Variants in SFSWAP observed in about 807,000 individuals in gnomAD.
The protein encoded by SFSWAP is splicing factor, suppressor of white-apricot homolog.
In SFSWAP, 17 loss-of-function variants were observed where a neutral mutation model predicts 100.7. The observed-to-expected ratio is 0.17, with a 90% CI of 0.12 to 0.25. The LOEUF is 0.25. Ranked by LOEUF, SFSWAP falls within the 10% of genes least tolerant of loss-of-function variation. SFSWAP has a pLI of 1.00. For missense variants in SFSWAP, 1,005 were observed against 1,262.6 expected, an observed-to-expected ratio of 0.80 and a Z score of 3.09; for synonymous variants, 504 against 510.1, an observed-to-expected ratio of 0.99 and a Z score of 0.16.
chr12:131,762,900 A>AT (rs1414232761), intron 11 of SFSWAP, among the ~76,000 whole-genome samples: 7 of 150,474 alleles, frequency 4.7e-5, no homozygotes, highest in African/African-American at 1.7e-4. Flanking sequence ...CACCCGGCCA[A>AT]TTTTTTTTTT....
chr12:131,714,834 A>T lies in SFSWAP; in HGVS notation c.401A>T (p.Lys134Met). ...EEEARQEEEY[K>M]RLSEALAEDG... ...ATTTTTATTCAAGAGGAAGAATACAAGCGATTGAGTGAAGCACTAGCAGAG... is the reference window on the plus strand; with the variant it reads ...ATTTTTATTCAAGAGGAAGAATACATGCGATTGAGTGAAGCACTAGCAGAG... The change falls in exon 3 of 18, where the codon AAG becomes ATG. Residue 134 changes from lysine (K) to methionine (M), a missense_variant. Transcript: ENST00000261674. The surrounding 1 kb of genome is among the most constrained non-coding windows in gnomAD (Gnocchi z 6.0). 6.2e-7 allele frequency: 1 copy of T among 1,614,000 alleles called. No homozygotes were observed. The highest frequency in any genetic ancestry group is 8.5e-7 in the Non-Finnish European group (1 of 1,179,864).
chr12:131,754,245 A>G (rs1303443086), intron 8 of SFSWAP, 123 bp from the exon 9 acceptor site: 1 of 601,908 alleles, frequency 1.7e-6, no homozygotes, highest in African/African-American at 1.9e-5. Context: ...AGCCTCCCCT[A>G]ACACACTGTT....
At chr12:131,753,639 G>A (rs1881877030) in intron 8 of SFSWAP, 2 of 518,640 alleles carry the variant, frequency 3.9e-6, no homozygotes, top group Non-Finnish European at 6.9e-6. Flanking sequence ...CTGTTCTTGC[G>A]CTTTGTGTCA....
At chr12:131,774,529 A>G (rs1050628288) in intron 13 of SFSWAP, among the ~76,000 whole-genome samples, 6 of 152,180 alleles carry the variant, frequency 3.9e-5, no homozygotes, top group African/African-American at 1.2e-4. Context: ...TACCTAAACC[A>G]ATGTACGTCT....
At chr12:131,728,668 C>T (rs992523238) in intron 7 of SFSWAP, among the ~76,000 whole-genome samples, 3 of 151,730 alleles carry the variant, frequency 2.0e-5, no homozygotes, top group Non-Finnish European at 4.4e-5. Flanking sequence ...GGAGGAGGAC[C>T]GGCAAAGGTA....
At chr12:131,760,878 C>G (rs1882611218) in intron 11 of SFSWAP, among the ~76,000 whole-genome samples, 1 of 152,110 alleles carries the variant, frequency 6.6e-6, no homozygotes, top group African/African-American at 2.4e-5. Flanking sequence ...TCGAGACCAG[C>G]CTGGTCAACA....
At chr12:131,785,036 T>G in intron 14 of SFSWAP, 3 of 1,511,936 alleles carry the variant, frequency 2.0e-6, no homozygotes, top group Non-Finnish European at 2.7e-6. Flanking sequence ...CCAGCACCTT[T>G]TATTCTGAAT....
chr12:131,789,750 G>A (rs1885124873), intron 15 of SFSWAP, among the ~76,000 whole-genome samples: 1 of 151,454 alleles, frequency 6.6e-6, no homozygotes, highest in South Asian at 2.1e-4. Flanking sequence ...TCCCACAGTT[G>A]GGCTTCGTCT....
Position 131,734,623 on chromosome 12 carries a change from C to T in SFSWAP, c.1081+6195C>T, listed in dbSNP as rs1879823958. 6.6e-6 allele frequency among the ~76,000 whole-genome samples: 1 copy of T among 152,190 alleles called. No homozygotes were observed. The highest frequency in any genetic ancestry group is 2.1e-4 in the South Asian group (1 of 4,832). On this transcript the variant is annotated intron_variant, in intron 7 of 17. Coordinates refer to ENST00000261674, the MANE Select transcript of SFSWAP (RefSeq NM_004592.4). This position sits in a 1 kb window ranked among gnomAD's most constrained non-coding sequence, Gnocchi z 4.9. ...AGGCTGGGACTGTCTTACTAGCCAGCGTGCTCCTTGCACCTCGATCCAAGG... is the reference window on the plus strand; with the variant it reads ...AGGCTGGGACTGTCTTACTAGCCAGTGTGCTCCTTGCACCTCGATCCAAGG...
Position 131,714,781 on chromosome 12 carries a change from A to G in SFSWAP, c.389-41A>G, listed in dbSNP as rs749930089. On this transcript the variant is annotated intron_variant, in intron 2 of 17. Coordinates refer to ENST00000261674, the MANE Select transcript of SFSWAP (RefSeq NM_004592.4). The surrounding 1 kb of genome is among the most constrained non-coding windows in gnomAD (Gnocchi z 6.0). ...GAAATATATAAAGTTTTTCTCAGTA[A>G]TTTTCTATTTTTGTTGATAAAATTC... is the stretch of plus-strand genomic sequence containing the variant. 3.8e-5 allele frequency: 60 copies of G among 1,582,518 alleles called. No homozygotes were observed. The Admixed American group carries it at 1.0e-3, about 27-fold the overall frequency.
At chr12:131,749,598 G>T (rs1881434260) in intron 7 of SFSWAP, among the ~76,000 whole-genome samples, 1 of 152,234 alleles carries the variant, frequency 6.6e-6, no homozygotes, top group African/African-American at 2.4e-5. Flanking sequence ...GGTTCTGTGA[G>T]CTGTATGGTG....
At position 131,714,639 on chromosome 12, in the gene SFSWAP, CAT is replaced by C. The variant is rs1877710481; in HGVS notation, c.389-182_389-181del. 1 of 605,874 alleles carries C rather than the reference CAT, an allele frequency of 1.7e-6. No homozygotes were observed. The highest frequency in any genetic ancestry group is 2.8e-6 in the Non-Finnish European group (1 of 351,410). 37.5% of individuals were successfully genotyped at this position (605,874 alleles called of 1,614,324 possible). The stretch of plus-strand genomic sequence containing the variant: ...GTGTATTCAGCTGTCTGTGGGTAAA[CAT>C]GTACTGACAAAAGTACATAATGATA... On this transcript the variant is annotated intron_variant, in intron 2 of 17. Transcript: ENST00000261674. The surrounding 1 kb of genome is among the most constrained non-coding windows in gnomAD (Gnocchi z 6.0).
chr12:131,774,178 A>G (rs1883832336), intron 13 of SFSWAP, among the ~76,000 whole-genome samples: 1 of 152,228 alleles, frequency 6.6e-6, no homozygotes, highest in Non-Finnish European at 1.5e-5. Context: ...GCACCTGGGC[A>G]GGACGTGGTA....
chr12:131,777,139 A>T (rs1884088242), intron 13 of SFSWAP, among the ~76,000 whole-genome samples: 1 of 152,144 alleles, frequency 6.6e-6, no homozygotes, highest in Non-Finnish European at 1.5e-5. Context: ...TTTTTCCTTA[A>T]GAACTATTTT....
At chr12:131,741,954 A>G (rs1880685860) in intron 7 of SFSWAP, among the ~76,000 whole-genome samples, 1 of 151,754 alleles carries the variant, frequency 6.6e-6, no homozygotes. Context: ...CTGGTGTGCA[A>G]GCCTGTGTGT....
At chr12:131,732,943 A>G (rs1008391532) in intron 7 of SFSWAP, among the ~76,000 whole-genome samples, 2 of 152,198 alleles carry the variant, frequency 1.3e-5, no homozygotes, top group African/African-American at 4.8e-5. Context: ...GGGGTCTGGA[A>G]AAGGGCGGGG....
intron 14 of SFSWAP, chr12:131,785,145 GC>G: frequency 6.5e-7 from 1 of 1,535,716 alleles, no homozygotes; most frequent in Non-Finnish European, 8.7e-7. Flanking sequence ...CGGCAGCCGA[GC>G]CAGGAAGTTA....
chr12:131,739,622 T>C (rs7315886), intron 7 of SFSWAP, among the ~76,000 whole-genome samples: 21,509 of 137,676 alleles, frequency 0.16, 2,123 homozygotes, highest in East Asian at 0.55. Context: ...CTCGGCTCAC[T>C]GCAAGCTCTG....
intron 14 of SFSWAP, among the ~76,000 whole-genome samples, chr12:131,780,879 G>A (rs1173351122): frequency 6.6e-6 from 1 of 152,158 alleles, no homozygotes; most frequent in African/African-American, 2.4e-5. Context: ...TGTTCATGGT[G>A]TTTCTTTAGC....
Sources: allele counts gnomAD v4.1 joint callset (sites outside exome capture counted in the v4.1 genomes callset), GRCh38; gene constraint gnomAD v4.1.1; non-coding constraint Gnocchi (gnomAD v3.1); transcripts MANE v1.5; gene names NCBI Gene and HGNC (gene_info 2026-07-23, HGNC 2026-07-21).